The following MDGA2 variants were observed in gnomAD, a reference collection of about 807,000 sequenced individuals.
MDGA2 encodes MAM domain containing glycosylphosphatidylinositol anchor 2, also known as MAM domain-containing glycosylphosphatidylinositol anchor protein 2.
Under a neutral mutation model 117.8 loss-of-function variants are expected in MDGA2, and 40 were observed. That is an observed-to-expected ratio of 0.34 (90% CI 0.26 to 0.44). MDGA2 has a LOEUF of 0.44. MDGA2 is among the 20% of genes least tolerant of loss of function. The pLI is 1.00. For missense variants in MDGA2, 1,123 were observed against 1,250.6 expected, an observed-to-expected ratio of 0.90 and a Z score of 1.54; for synonymous variants, 452 against 439.0, an observed-to-expected ratio of 1.03 and a Z score of -0.37.
chr14:47,385,540 A>C (rs542977240), intron 1 of MDGA2, among the ~76,000 whole-genome samples: 1 of 152,304 alleles, frequency 6.6e-6, no homozygotes, highest in Admixed American at 6.5e-5. Flanking sequence ...ATTCAAGAGA[A>C]GAACACTGAT....
chr14:47,496,381 T>C (rs1040482545), intron 1 of MDGA2, among the ~76,000 whole-genome samples: 22 of 152,116 alleles, frequency 1.4e-4, no homozygotes, highest in African/African-American at 5.3e-4. Flanking sequence ...TAGGTGGGTC[T>C]ACAAGCACAC....
At chr14:46,846,353 C>T (rs1880838705) in intron 15 of MDGA2, among the ~76,000 whole-genome samples, 1 of 152,110 alleles carries the variant, frequency 6.6e-6, no homozygotes, top group Non-Finnish European at 1.5e-5. Flanking sequence ...CTATCTCTGA[C>T]ATTGATTTCT....
intron 1 of MDGA2, among the ~76,000 whole-genome samples, chr14:47,341,768 G>A (rs556677091): frequency 2.3e-3 from 355 of 152,250 alleles, no homozygotes; most frequent in Middle Eastern, 6.8e-3. Flanking sequence ...AAAAGACAGA[G>A]GGCTGAAGTG....
chr14:46,868,404 C>T (rs1881863749), intron 14 of MDGA2, among the ~76,000 whole-genome samples: 1 of 151,876 alleles, frequency 6.6e-6, no homozygotes, highest in Admixed American at 6.6e-5. Context: ...ATCATTTCTA[C>T]TCCCATCAAG....
intron 1 of MDGA2, among the ~76,000 whole-genome samples, chr14:47,658,901 T>G (rs1897794428): frequency 6.6e-6 from 1 of 152,170 alleles, no homozygotes; most frequent in Non-Finnish European, 1.5e-5. Context: ...GCACTCAGCC[T>G]AGGACTCTGT....
intron 7 of MDGA2, among the ~76,000 whole-genome samples, chr14:47,051,945 A>G (rs1889473349): frequency 6.6e-6 from 1 of 151,896 alleles, no homozygotes; most frequent in Non-Finnish European, 1.5e-5. Context: ...CTAATAAAAA[A>G]CTTCAGGATT....
rs917700224 is a variant in MDGA2 at position 47,210,968 on chromosome 14, G to C, written c.595+7053C>G. On this transcript the variant is annotated intron_variant, in intron 3 of 16. Coordinates refer to ENST00000399232, the MANE Select transcript of MDGA2 (RefSeq NM_001113498.3). Reference sequence around the variant, plus strand: ...GCTGCACTGGAGCCTAGGTAACACAGCAAACCCTGTCTCTAAAAAAAATAA... The same window carrying C: ...GCTGCACTGGAGCCTAGGTAACACACCAAACCCTGTCTCTAAAAAAAATAA... 2.0e-5 allele frequency among the ~76,000 whole-genome samples: 3 copies of C among 152,160 alleles called. No homozygotes were observed. In the South Asian group the frequency reaches 6.2e-4, roughly 32 times the overall value.
intron 1 of MDGA2, among the ~76,000 whole-genome samples, chr14:47,527,748 A>G (rs1339708826): frequency 1.3e-5 from 2 of 152,316 alleles, no homozygotes; most frequent in Admixed American, 1.3e-4. Flanking sequence ...GGAGGCTTCA[A>G]TGGAACTATT....
At chr14:47,519,110 A>T (rs1894815791) in intron 1 of MDGA2, among the ~76,000 whole-genome samples, 1 of 152,004 alleles carries the variant, frequency 6.6e-6, no homozygotes. Flanking sequence ...AGGCTGAGGC[A>T]GGGAGAATCA....
intron 1 of MDGA2, among the ~76,000 whole-genome samples, chr14:47,662,398 C>T (rs1897867318): frequency 6.6e-6 from 1 of 152,082 alleles, no homozygotes; most frequent in Admixed American, 6.5e-5. Flanking sequence ...TGTATATGCA[C>T]ATGTGCATGT....
At chr14:47,396,812 G>T (rs186971819) in intron 1 of MDGA2, among the ~76,000 whole-genome samples, 1 of 152,064 alleles carries the variant, frequency 6.6e-6, no homozygotes, top group African/African-American at 2.4e-5. Context: ...TTAGAATGGC[G>T]ATCCTTAAAA....
chr14:47,293,115 A>G (rs991182286), intron 2 of MDGA2, among the ~76,000 whole-genome samples: 1 of 152,166 alleles, frequency 6.6e-6, no homozygotes, highest in African/African-American at 2.4e-5. Context: ...CAGAGATGCC[A>G]GTGTCCATCT....
intron 2 of MDGA2, among the ~76,000 whole-genome samples, chr14:47,286,636 G>A (rs941995203): frequency 8.6e-5 from 13 of 151,548 alleles, no homozygotes; most frequent in South Asian, 2.1e-4. Flanking sequence ...TTCATCCACC[G>A]GAGGACATTT....
At chr14:47,370,180 A>T (rs1341630185) in intron 1 of MDGA2, among the ~76,000 whole-genome samples, 1 of 151,944 alleles carries the variant, frequency 6.6e-6, no homozygotes, top group Non-Finnish European at 1.5e-5. Context: ...CATGAGCTTA[A>T]TATTATTATG....
chr14:47,531,041 T>C lies in MDGA2; in HGVS notation c.280+143476A>G, dbSNP rs145710633. ...TGGGCGGATCACAAGGTCAGGAGAT[T>C]GAGACCATCCTGGCTAACACGATGA... On this transcript the variant is annotated intron_variant, in intron 1 of 16. Transcript: ENST00000399232. Among the ~76,000 whole-genome samples, 716 of 152,052 alleles carry C rather than the reference T, an allele frequency of 4.7e-3. 5 individuals carry two copies. Among genetic ancestry groups the C allele is most frequent in the African/African-American group, 0.016 (653 of 41,472 alleles).
intron 10 of MDGA2, among the ~76,000 whole-genome samples, chr14:46,901,499 G>A (rs1339941729): frequency 3.3e-5 from 5 of 152,120 alleles, no homozygotes; most frequent in Non-Finnish European, 7.4e-5. Flanking sequence ...TAAAGGAGAG[G>A]AAAATCAAAC....
intron 15 of MDGA2, among the ~76,000 whole-genome samples, chr14:46,854,119 GA>G (rs1283319137): frequency 6.6e-6 from 1 of 151,522 alleles, no homozygotes; most frequent in Non-Finnish European, 1.5e-5. Flanking sequence ...TAGATTACAA[GA>G]AAAGGTCATT....
intron 2 of MDGA2, among the ~76,000 whole-genome samples, chr14:47,284,826 A>G (rs1364087036): frequency 3.3e-5 from 5 of 152,134 alleles, no homozygotes; most frequent in Admixed American, 6.6e-5. Flanking sequence ...CCCAGATGAT[A>G]TATCTTTGAC....
intron 2 of MDGA2, among the ~76,000 whole-genome samples, chr14:47,234,951 T>G (rs966510576): frequency 6.6e-6 from 1 of 152,184 alleles, no homozygotes; most frequent in Non-Finnish European, 1.5e-5. Flanking sequence ...TTCATATGTG[T>G]AACAATTTGA....
Sources: gnomAD v4.1 joint callset for allele counts (sites outside exome capture counted in the v4.1 genomes callset) on GRCh38, gnomAD v4.1.1 for gene constraint, MANE v1.5 for transcripts, NCBI Gene and HGNC (gene_info 2026-07-23, HGNC 2026-07-21) for gene names.